The following MAPK4 variants were observed in gnomAD, a reference collection of about 807,000 sequenced individuals.
MAPK4 encodes mitogen-activated protein kinase 4.
Under a neutral mutation model 47.7 loss-of-function variants are expected in MAPK4, and 22 were observed. The ratio of observed to expected loss-of-function variants is 0.46; its 90% CI spans 0.33 to 0.66. The LOEUF (loss-of-function observed/expected upper bound fraction) is 0.66. Ranked by LOEUF, MAPK4 falls within the 30% of genes least tolerant of loss-of-function variation. The pLI is 0.02. For missense variants in MAPK4, 736 were observed against 831.7 expected (o/e 0.88, Z 1.42); for synonymous variants, 390 against 365.7 (o/e 1.07, Z -0.76).
rs529639122 is a variant in MAPK4, at chr18:50,571,568, G to C, written c.-871+11325G>C. ...AATTCCTCCAGCATGATTCACTTTA[G>C]GTACAAGCCCAAATTTCTTTTATCA... On this transcript the variant is annotated intron_variant, in intron 1 of 5. Transcript: ENST00000400384. 1.8e-4 allele frequency among the ~76,000 whole-genome samples: 28 copies of C among 152,250 alleles called. No homozygotes were observed. In the South Asian group the frequency reaches 5.4e-3, roughly 29 times the overall value.
chr18:50,582,865 A>G (rs769436945), intron 1 of MAPK4, among the ~76,000 whole-genome samples: 24 of 152,354 alleles, frequency 1.6e-4, no homozygotes, highest in Non-Finnish European at 3.1e-4. Context: ...TGGAGCCCCA[A>G]GGGGTGTTAC....
At chr18:50,699,546 CA>C (rs1909673838) in intron 2 of MAPK4, among the ~76,000 whole-genome samples, 1 of 151,950 alleles carries the variant, frequency 6.6e-6, no homozygotes, top group South Asian at 2.1e-4. Context: ...GGGCTAAAAG[CA>C]AAAAACATAA....
intron 1 of MAPK4, among the ~76,000 whole-genome samples, chr18:50,580,963 A>G (rs1193032910): frequency 6.6e-6 from 1 of 152,086 alleles, no homozygotes; most frequent in African/African-American, 2.4e-5. Context: ...ATTGTCCATC[A>G]ATACTGCTCC....
At chr18:50,634,187 A>G (rs1893488) in intron 1 of MAPK4, among the ~76,000 whole-genome samples, 56,192 of 151,860 alleles carry the variant, frequency 0.37, 10,703 homozygotes, top group African/African-American at 0.45. Flanking sequence ...GAGCGGGGGT[A>G]TTCTGAGCAA....
At chr18:50,707,569 CA>C (rs11419022) in intron 2 of MAPK4, among the ~76,000 whole-genome samples, 22,204 of 72,668 alleles carry the variant, frequency 0.31, 1,110 homozygotes, top group Non-Finnish European at 0.35. Flanking sequence ...GCCTCTGTCT[CA>C]AAAAAAAAAA....
intron 1 of MAPK4, among the ~76,000 whole-genome samples, chr18:50,637,986 A>T (rs111724029): frequency 4.0e-4 from 61 of 152,340 alleles, no homozygotes; most frequent in African/African-American, 1.4e-3. Context: ...CAGCGTATGA[A>T]TTTGGAGGAT....
intron 5 of MAPK4, among the ~76,000 whole-genome samples, chr18:50,728,014 C>A (rs1420906099): frequency 2.0e-5 from 3 of 152,236 alleles, no homozygotes; most frequent in South Asian, 4.1e-4. Context: ...AGGAGCAATT[C>A]CTGCCCTAGC....
At position 50,729,586 on chromosome 18, in the gene MAPK4, G is replaced by A; in HGVS notation, c.1496G>A (p.Ser499Asn). 7.1e-7 allele frequency: 1 copy of A among 1,408,300 alleles called. No homozygotes were observed. Among genetic ancestry groups the A allele is most frequent in the South Asian group, 1.7e-5 (1 of 59,660 alleles). 87.2% of individuals were successfully genotyped at this position (1,408,300 alleles called of 1,614,324 possible). A position where few individuals can be genotyped will look rare whatever the true frequency, so the allele number is the denominator to read the frequency against. ...LFLEIAQWVK[S>N]TQGGPEHASP... Reference sequence around the variant, plus strand: ...CTGGAGATCGCGCAGTGGGTCAAGAGCACGCAGGGCGGCCCAGAGCACGCC... The same window carrying A: ...CTGGAGATCGCGCAGTGGGTCAAGAACACGCAGGGCGGCCCAGAGCACGCC... Residue 499 changes from serine to asparagine, a missense_variant, in exon 6 of 6, where the codon AGC (serine) becomes AAC (asparagine). Coordinates refer to ENST00000400384, the MANE Select transcript of MAPK4 (RefSeq NM_002747.4).
intron 1 of MAPK4, among the ~76,000 whole-genome samples, chr18:50,657,869 C>T (rs1206799536): frequency 6.6e-6 from 1 of 152,108 alleles, no homozygotes; most frequent in African/African-American, 2.4e-5. Context: ...CCTGGGTAGG[C>T]TCAGCTGCCT....
intron 1 of MAPK4, among the ~76,000 whole-genome samples, chr18:50,605,386 GATTTGGATCC>G (rs1454307667): frequency 6.6e-6 from 1 of 152,164 alleles, no homozygotes; most frequent in Non-Finnish European, 1.5e-5. Flanking sequence ...CAGGGACAAA[GATTTGGATCC>G]ATTTGGAAGG....
At chr18:50,622,746 A>G (rs940647579) in intron 1 of MAPK4, among the ~76,000 whole-genome samples, 1 of 152,224 alleles carries the variant, frequency 6.6e-6, no homozygotes, top group Non-Finnish European at 1.5e-5. Flanking sequence ...AAGAATAATA[A>G]TGAACCAGGC....
intron 2 of MAPK4, among the ~76,000 whole-genome samples, chr18:50,702,863 C>G (rs1310018262): frequency 1.3e-5 from 2 of 152,192 alleles, no homozygotes; most frequent in Non-Finnish European, 2.9e-5. Flanking sequence ...ACTGGAAACA[C>G]TTTATAAAGG....
intron 1 of MAPK4, among the ~76,000 whole-genome samples, chr18:50,599,474 A>T (rs1211047349): frequency 6.6e-6 from 1 of 152,174 alleles, no homozygotes. Context: ...GTTGGAGTAC[A>T]GGGGTACAAT....
Position 50,599,113 on chromosome 18 carries a change from A to C in MAPK4, c.-871+38870A>C, listed in dbSNP as rs902172104. On this transcript the variant is annotated intron_variant, in intron 1 of 5. Coordinates refer to ENST00000400384, the MANE Select transcript of MAPK4 (RefSeq NM_002747.4). Reference sequence around the variant, plus strand: ...ACCTCCTGCAGCAGGGTGTATCTGCATGTGTTATTTAGATTAATATGATTT... The same window carrying C: ...ACCTCCTGCAGCAGGGTGTATCTGCCTGTGTTATTTAGATTAATATGATTT... Among the ~76,000 whole-genome samples the C allele has an allele frequency of 3.3e-5, 5 of 152,266 alleles. No individual in the cohort carries two copies. The South Asian group carries it at 1.0e-3, about 32-fold the overall frequency.
intron 5 of MAPK4, among the ~76,000 whole-genome samples, chr18:50,728,404 G>A (rs943282464): frequency 6.6e-6 from 1 of 152,168 alleles, no homozygotes. Flanking sequence ...TCTTTCTGTA[G>A]GTCCCACCTG....
chr18:50,626,748 T>C (rs1433153349), intron 1 of MAPK4, among the ~76,000 whole-genome samples: 1 of 152,132 alleles, frequency 6.6e-6, no homozygotes, highest in Non-Finnish European at 1.5e-5. Flanking sequence ...ATCCAAATCC[T>C]CAGCATGAAC....
At chr18:50,653,444 C>A (rs533598978) in intron 1 of MAPK4, among the ~76,000 whole-genome samples, 4 of 152,308 alleles carry the variant, frequency 2.6e-5, no homozygotes, top group African/African-American at 7.2e-5. Context: ...GTAAATCCTT[C>A]TCCAAGAAAC....
chr18:50,694,865 A>T (rs1216304272), intron 2 of MAPK4, among the ~76,000 whole-genome samples: 4 of 152,236 alleles, frequency 2.6e-5, no homozygotes, highest in Non-Finnish European at 5.9e-5. Context: ...CCATTGACAG[A>T]TGCTTACTGA....
chr18:50,631,352 C>T (rs575100298), intron 1 of MAPK4, among the ~76,000 whole-genome samples: 4 of 152,150 alleles, frequency 2.6e-5, no homozygotes, highest in South Asian at 4.2e-4. Context: ...ATCAGACATA[C>T]GGTTGGCTGT....
Sources: gnomAD v4.1 joint callset for allele counts (sites outside exome capture counted in the v4.1 genomes callset) on GRCh38, gnomAD v4.1.1 for gene constraint, MANE v1.5 for transcripts, NCBI Gene and HGNC (gene_info 2026-07-23, HGNC 2026-07-21) for gene names.